The following ADARB2 variants were observed in gnomAD, a reference collection of about 807,000 sequenced individuals.
ADARB2 encodes the protein adenosine deaminase RNA specific B2 (inactive).
ADARB2 carries 25 observed loss-of-function variants against 62.2 expected under a neutral mutation model. That is an observed-to-expected ratio of 0.40 (90% confidence interval 0.29 to 0.56). The LOEUF (loss-of-function observed/expected upper bound fraction) is 0.56, where lower values mean the gene tolerates loss of function less well. Ranked by LOEUF, ADARB2 falls within the 20% of genes least tolerant of loss-of-function variation. The pLI is 0.43. For synonymous variants in ADARB2, 572 were observed against 500.8 expected, an observed-to-expected ratio of 1.14 and a Z score of -1.90; for missense variants, 1,071 against 1,077.4, an observed-to-expected ratio of 0.99 and a Z score of 0.08.
At chr10:1,210,306 T>A (rs747981678) in intron 7 of ADARB2, among the ~76,000 whole-genome samples, 1 of 152,170 alleles carries the variant, frequency 6.6e-6, no homozygotes, top group Admixed American at 6.5e-5. Context: ...AAGTCGGAGA[T>A]CAAAAGCCAG....
At chr10:1,283,016 C>G (rs1394791167) in intron 3 of ADARB2, among the ~76,000 whole-genome samples, 1 of 152,160 alleles carries the variant, frequency 6.6e-6, no homozygotes, top group African/African-American at 2.4e-5. Context: ...AAACCATGTG[C>G]TTACTAGTTC....
At chr10:1,638,606 G>A (rs182369329) in intron 1 of ADARB2, among the ~76,000 whole-genome samples, 3 of 152,056 alleles carry the variant, frequency 2.0e-5, no homozygotes, top group Non-Finnish European at 4.4e-5. Flanking sequence ...TCTGAGCCTC[G>A]TGTGCATTAC....
intron 1 of ADARB2, among the ~76,000 whole-genome samples, chr10:1,504,587 C>T (rs2813433): frequency 0.16 from 25,041 of 152,114 alleles, 2,350 homozygotes; most frequent in Middle Eastern, 0.23. Context: ...GAGCTCCTGC[C>T]GTGGTGGTGA....
intron 4 of ADARB2, 70 bp downstream of exon 4, chr10:1,270,885 A>C (rs2131798775): frequency 2.9e-6 from 4 of 1,393,746 alleles, no homozygotes; most frequent in South Asian, 2.5e-5. Flanking sequence ...TTGGCCTCCA[A>C]GATCAGGTAG....
intron 5 of ADARB2, among the ~76,000 whole-genome samples, chr10:1,241,334 C>A (rs902205055): frequency 6.6e-6 from 1 of 152,208 alleles, no homozygotes; most frequent in Admixed American, 6.5e-5. Context: ...GTGGGCCTTT[C>A]TCCTTTTGTG....
intron 7 of ADARB2, among the ~76,000 whole-genome samples, chr10:1,207,459 G>A (rs1428813214): frequency 6.6e-6 from 1 of 152,206 alleles, no homozygotes; most frequent in Non-Finnish European, 1.5e-5. Context: ...TACACTCTGA[G>A]ATTAGAACAA....
intron 1 of ADARB2, among the ~76,000 whole-genome samples, chr10:1,551,233 C>T (rs772498168): frequency 2.0e-5 from 3 of 152,124 alleles, no homozygotes; most frequent in Non-Finnish European, 2.9e-5. Context: ...GAACCAGGCC[C>T]CTGGACACCT....
chr10:1,233,978 C>CTTTTTTTTTTTTT (rs1589160330), intron 5 of ADARB2, 133 bp from the exon 6 acceptor site: 1 of 433,412 alleles, frequency 2.3e-6, no homozygotes, highest in Non-Finnish European at 3.2e-6. Context: ...TTTTTTTTTC[C>CTTTTTTTTTTTTT]TTTTTTTTTT....
In ADARB2 at chr10:1,733,964, C is replaced by T. The variant is rs538769967; in HGVS notation, c.100+3087G>A. ...TCATGGGATATGAACGTTGCTTTGC[C>T]GCGATGTAAAAATGAGAGAGATTTT... On this transcript the variant is annotated intron_variant, in intron 1 of 9. Coordinates refer to ENST00000381312, the MANE Select transcript of ADARB2 (RefSeq NM_018702.4). Among the ~76,000 whole-genome samples the T allele has an allele frequency of 1.7e-3, 250 of 151,252 alleles. 1 individual carries two copies. The highest frequency in any genetic ancestry group is 5.6e-3 in the African/African-American group (229 of 41,194).
At chr10:1,358,739 T>C (rs1019762711) in intron 3 of ADARB2, among the ~76,000 whole-genome samples, 4 of 151,254 alleles carry the variant, frequency 2.6e-5, no homozygotes, top group African/African-American at 9.7e-5. Flanking sequence ...TGTGGGAGAG[T>C]GCGGGGTGAG....
intron 7 of ADARB2, among the ~76,000 whole-genome samples, chr10:1,205,340 A>G (rs1054542255): frequency 8.4e-5 from 9 of 107,612 alleles, no homozygotes; most frequent in African/African-American, 2.2e-4. Context: ...GCAGGAGACA[A>G]CTCACTGGAG....
chr10:1,533,408 G>C (rs1832275410), intron 1 of ADARB2, among the ~76,000 whole-genome samples: 1 of 151,536 alleles, frequency 6.6e-6, no homozygotes, highest in African/African-American at 2.4e-5. Context: ...GATTACAGGA[G>C]TGAGCCACTA....
At chr10:1,240,328 C>CTCCCAGTGTTTACTCCCCTCTGCT (rs1830903184) in intron 5 of ADARB2, 1 of 40,234 alleles carries the variant, frequency 2.5e-5, no homozygotes, top group East Asian at 5.0e-4. Context: ...TCCCCTCTGC[C>CTCCCAGTGTTTACTCCCCTCTGCT]TCCCGGTGTT....
In ADARB2 at chr10:1,177,367, A is replaced by G. The variant is rs185754538; in HGVS notation, c.*5826T>C. On this transcript the variant is annotated 3_prime_UTR_variant, in exon 10 of 10. Coordinates refer to ENST00000381312, the MANE Select transcript of ADARB2 (RefSeq NM_018702.4). ...TAACAGAAACATTCACTTATTAGAT[A>G]TCACTGAAGTGCAATTTATAGAACT... 2.6e-3 allele frequency: 390 copies of G among 152,302 alleles called. No homozygotes were observed. The highest frequency in any genetic ancestry group is 8.6e-3 in the African/African-American group (357 of 41,554). The allele number at this position is 152,302 out of a possible 1,614,324, so 9.4% of individuals were successfully genotyped here.
intron 1 of ADARB2, among the ~76,000 whole-genome samples, chr10:1,457,202 C>A (rs1295506880): frequency 6.6e-6 from 1 of 152,190 alleles, no homozygotes. Flanking sequence ...ATTTTCTGGA[C>A]AACTGGAATA....
At chr10:1,416,739 T>C (rs1327951933) in intron 1 of ADARB2, among the ~76,000 whole-genome samples, 2 of 152,224 alleles carry the variant, frequency 1.3e-5, no homozygotes, top group African/African-American at 4.8e-5. Context: ...CTCCAGAGAA[T>C]GGGGCCCATG....
intron 7 of ADARB2, among the ~76,000 whole-genome samples, chr10:1,211,053 T>C (rs1837143979): frequency 6.6e-6 from 1 of 152,150 alleles, no homozygotes. Flanking sequence ...TCAAAACCCT[T>C]GTCCTCTCCT....
chr10:1,723,101 T>C (rs547214971), intron 1 of ADARB2, among the ~76,000 whole-genome samples: 5 of 152,328 alleles, frequency 3.3e-5, no homozygotes, highest in African/African-American at 1.2e-4. Flanking sequence ...AGTATCTCCC[T>C]GGAAACGGGA....
intron 1 of ADARB2, among the ~76,000 whole-genome samples, chr10:1,537,758 A>T (rs1045725155): frequency 9.9e-5 from 15 of 152,212 alleles, no homozygotes; most frequent in Non-Finnish European, 1.9e-4. Flanking sequence ...TGGGAGTTGA[A>T]CAATGAGAAC....
Sources: gnomAD v4.1 joint callset for allele counts (sites outside exome capture counted in the v4.1 genomes callset) on GRCh38, gnomAD v4.1.1 for gene constraint, MANE v1.5 for transcripts, NCBI Gene and HGNC (gene_info 2026-07-23, HGNC 2026-07-21) for gene names.